Variants in TRHDE observed in about 807,000 individuals in gnomAD.
The protein encoded by TRHDE is thyrotropin-releasing hormone-degrading ectoenzyme.
Under a neutral mutation model 125.7 loss-of-function variants are expected in TRHDE, and 72 were observed. That is an observed-to-expected ratio of 0.57 (90% CI 0.47 to 0.70). The LOEUF (loss-of-function observed/expected upper bound fraction) is 0.70, where lower values mean the gene tolerates loss of function less well. Ranked by LOEUF, TRHDE falls within the 30% of genes least tolerant of loss-of-function variation. The pLI is 0.00. For synonymous variants in TRHDE, 509 were observed against 509.1 expected (o/e 1.00, Z 0.00); for missense variants, 1,110 against 1,327.1 (o/e 0.84, Z 2.54).
chr12:72,464,443 G>A (rs114245814), intron 3 of TRHDE, among the ~76,000 whole-genome samples: 22 of 152,194 alleles, frequency 1.4e-4, no homozygotes, highest in African/African-American at 4.8e-4. Flanking sequence ...TGCATTCTCC[G>A]GAGGGGATGA....
intron 3 of TRHDE, among the ~76,000 whole-genome samples, chr12:72,467,874 T>C (rs918641309): frequency 9.2e-5 from 14 of 152,150 alleles, no homozygotes; most frequent in African/African-American, 3.1e-4. Flanking sequence ...ATTTTTAAAG[T>C]CAGGAATAAA....
At chr12:72,482,166 G>A (rs1049440381) in intron 5 of TRHDE, among the ~76,000 whole-genome samples, 4 of 151,820 alleles carry the variant, frequency 2.6e-5, no homozygotes, top group Admixed American at 6.6e-5. Context: ...ATGATAATAT[G>A]GAATTGGTAT....
At chr12:72,111,047 G>T (rs901978814) in intron 2 of TRHDE, among the ~76,000 whole-genome samples, 1 of 152,090 alleles carries the variant, frequency 6.6e-6, no homozygotes, top group African/African-American at 2.4e-5. Flanking sequence ...AGTCAACTTC[G>T]CCAGTCGGTG....
chr12:72,654,861 C>A (rs904305187), intron 17 of TRHDE, among the ~76,000 whole-genome samples: 4 of 152,108 alleles, frequency 2.6e-5, no homozygotes, highest in South Asian at 4.1e-4. Context: ...TGTCTCACTG[C>A]CTCTATAATT....
intron 1 of TRHDE, among the ~76,000 whole-genome samples, chr12:72,095,637 A>T (rs1874897297): frequency 1.3e-5 from 2 of 152,284 alleles, no homozygotes; most frequent in Admixed American, 1.3e-4. Flanking sequence ...TTTCTTTCAG[A>T]CTTGGAAGTC....
chr12:72,484,994 C>T (rs1877335631), intron 5 of TRHDE, among the ~76,000 whole-genome samples: 2 of 152,144 alleles, frequency 1.3e-5, no homozygotes, highest in Admixed American at 1.3e-4. Context: ...ACCCCATTCC[C>T]TGAGTTGGGA....
chr12:72,295,027 G>A (rs779074651), intron 2 of TRHDE, among the ~76,000 whole-genome samples: 40 of 152,026 alleles, frequency 2.6e-4, no homozygotes, highest in Middle Eastern at 6.8e-3. Flanking sequence ...GCAAGGGCAA[G>A]GGGGGCTTTC....
At chr12:72,512,481 T>C (rs1200723639) in intron 6 of TRHDE, among the ~76,000 whole-genome samples, 1 of 139,558 alleles carries the variant, frequency 7.2e-6, no homozygotes, top group Admixed American at 7.7e-5. Flanking sequence ...GTTATAATTA[T>C]ATAATAATAA....
rs75850525 is a variant in TRHDE at position 72,426,718 on chromosome 12, TA to T, written c.1316-43028del. Among the ~76,000 whole-genome samples, 853 of 137,686 alleles carry T rather than the reference TA, an allele frequency of 6.2e-3. 6 individuals carry two copies. Among genetic ancestry groups the T allele is most frequent in the Non-Finnish European group, 9.8e-3 (612 of 62,760 alleles). 90.3% of individuals were successfully genotyped at this position (137,686 alleles called of 152,430 possible). On this transcript the variant is annotated intron_variant, in intron 3 of 18. Transcript: ENST00000261180. ...GATATGGCAACCACAAAAATAGATT[TA>T]AAAAAAAAAAACCAGTTCTTATGTA...
intron 2 of TRHDE, among the ~76,000 whole-genome samples, chr12:72,186,989 C>G (rs1877229966): frequency 6.6e-6 from 1 of 152,036 alleles, no homozygotes; most frequent in African/African-American, 2.4e-5. Flanking sequence ...GGCATATGAC[C>G]AGGTGTTCAG....
chr12:72,111,889 T>A (rs778583584), intron 2 of TRHDE, among the ~76,000 whole-genome samples: 1 of 152,188 alleles, frequency 6.6e-6, no homozygotes, highest in Non-Finnish European at 1.5e-5. Context: ...AGAGTCATTT[T>A]AGCAATTGCC....
intron 2 of TRHDE, among the ~76,000 whole-genome samples, chr12:72,153,849 C>G (rs916874146): frequency 7.9e-5 from 12 of 151,042 alleles, no homozygotes; most frequent in African/African-American, 1.7e-4. Context: ...GTGTGGTGTG[C>G]TGCTGAAAAG....
chr12:72,353,455 G>T (rs998326838), intron 2 of TRHDE, among the ~76,000 whole-genome samples: 1 of 151,500 alleles, frequency 6.6e-6, no homozygotes, highest in African/African-American at 2.4e-5. Flanking sequence ...TATAGTAAAA[G>T]ATAATGACAG....
intron 12 of TRHDE, among the ~76,000 whole-genome samples, chr12:72,588,306 T>C (rs1871527074): frequency 6.6e-6 from 1 of 152,108 alleles, no homozygotes. Context: ...AGTTGATACT[T>C]GAGAAGTAGT....
chr12:72,609,464 T>A (rs4100196), intron 12 of TRHDE, among the ~76,000 whole-genome samples: 64,585 of 151,928 alleles, frequency 0.43, 16,493 homozygotes, highest in African/African-American at 0.71. Context: ...TATTTTTTTA[T>A]CTTTTATTTT....
chr12:72,419,134 C>G (rs2135824207), intron 3 of TRHDE, among the ~76,000 whole-genome samples: 2 of 152,234 alleles, frequency 1.3e-5, no homozygotes, highest in Middle Eastern at 6.8e-3. Flanking sequence ...TATTTAAACA[C>G]TTAAGATGGA....
intron 3 of TRHDE, among the ~76,000 whole-genome samples, chr12:72,425,995 G>T (rs558615345): frequency 6.6e-6 from 1 of 152,084 alleles, no homozygotes; most frequent in Non-Finnish European, 1.5e-5. Flanking sequence ...AATAAACCCT[G>T]GTGACAGAAT....
chr12:72,419,407 G>A (rs1873860021), intron 3 of TRHDE, among the ~76,000 whole-genome samples: 1 of 152,160 alleles, frequency 6.6e-6, no homozygotes, highest in Non-Finnish European at 1.5e-5. Flanking sequence ...TCATGGTTCT[G>A]CAAGCTGTAC....
chr12:72,342,894 G>A (rs1204573710), intron 2 of TRHDE, among the ~76,000 whole-genome samples: 1 of 152,042 alleles, frequency 6.6e-6, no homozygotes, highest in African/African-American at 2.4e-5. Flanking sequence ...ATAATTAATA[G>A]CCAGTGTACA....
Sources: allele counts gnomAD v4.1 joint callset (sites outside exome capture counted in the v4.1 genomes callset), GRCh38; gene constraint gnomAD v4.1.1; transcripts MANE v1.5; gene names NCBI Gene and HGNC (gene_info 2026-07-23, HGNC 2026-07-21).